PIEZO2: variants seen among roughly 807,000 people sequenced by gnomAD.
PIEZO2 encodes the protein piezo type mechanosensitive ion channel component 2.
A neutral mutation model predicts 337.3 loss-of-function variants in PIEZO2; 172 were observed. That is an observed-to-expected ratio of 0.51 (90% CI 0.45 to 0.58). PIEZO2 has a LOEUF of 0.58. Ranked by LOEUF, PIEZO2 falls within the 20% of genes least tolerant of loss-of-function variation. The pLI is 0.00. For missense variants in PIEZO2, 3,028 were observed against 3,391.3 expected, an observed-to-expected ratio of 0.89 and a Z score of 2.66; for synonymous variants, 1,251 against 1,228.5, an observed-to-expected ratio of 1.02 and a Z score of -0.38.
At chr18:11,036,648 C>A (rs904086607) in intron 2 of PIEZO2, among the ~76,000 whole-genome samples, 3 of 151,790 alleles carry the variant, frequency 2.0e-5, no homozygotes, top group African/African-American at 7.3e-5. Context: ...CTTTTGCAGG[C>A]ACTGAATAAT....
intron 1 of PIEZO2, among the ~76,000 whole-genome samples, chr18:11,090,837 C>CA (rs1555711242): frequency 6.7e-6 from 1 of 149,582 alleles, no homozygotes; most frequent in Non-Finnish European, 1.5e-5. Context: ...GGTGTGAACC[C>CA]GGGGGGGCAA....
intron 2 of PIEZO2, among the ~76,000 whole-genome samples, chr18:11,058,560 C>A (rs111285098): frequency 3.3e-5 from 5 of 152,080 alleles, no homozygotes; most frequent in African/African-American, 1.2e-4. Context: ...CTAGAATAAC[C>A]AGTGCAGAGA....
At chr18:11,098,807 A>T (rs528730094) in intron 1 of PIEZO2, among the ~76,000 whole-genome samples, 176 of 151,090 alleles carry the variant, frequency 1.2e-3, no homozygotes, top group Non-Finnish European at 2.2e-3. Context: ...TTTAAAAAAA[A>T]TTTTTTTTGA....
At chr18:10,922,365 A>C (rs1229298460) in intron 3 of PIEZO2, among the ~76,000 whole-genome samples, 1 of 152,136 alleles carries the variant, frequency 6.6e-6, no homozygotes, top group African/African-American at 2.4e-5. Context: ...CTCTTTTTAA[A>C]AAAACAGAAA....
intron 4 of PIEZO2, among the ~76,000 whole-genome samples, chr18:10,889,461 T>C (rs775275988): frequency 4.6e-5 from 7 of 152,204 alleles, no homozygotes; most frequent in Non-Finnish European, 8.8e-5. Context: ...ATTTGCAGAT[T>C]CGGGAAATTA....
chr18:10,726,381 C>A lies in PIEZO2; in HGVS notation c.5029+5026G>T, dbSNP rs1365762782. ...CTTCCCCGCAGGCACCCACTACCTG[C>A]GGGGCGGTAACAACGCGCGCCAGCC... is the stretch of plus-strand genomic sequence containing the variant. On this transcript the variant is annotated intron_variant, in intron 36 of 55. Transcript: ENST00000674853. The surrounding 1 kb of genome is among the most constrained non-coding windows in gnomAD (Gnocchi z 5.9). 6.6e-7 allele frequency: 1 copy of A among 1,520,556 alleles called. No individual in the cohort carries two copies. Among genetic ancestry groups the A allele is most frequent in the Non-Finnish European group, 8.8e-7 (1 of 1,140,726 alleles). 94.2% of individuals were successfully genotyped at this position (1,520,556 alleles called of 1,614,324 possible).
chr18:11,093,278 C>A (rs977813239), intron 1 of PIEZO2, among the ~76,000 whole-genome samples: 32 of 152,192 alleles, frequency 2.1e-4, no homozygotes, highest in African/African-American at 6.3e-4. Context: ...CCCCAGCCAA[C>A]ACCCTACATG....
At chr18:10,777,255 C>T (rs1436039224) in intron 18 of PIEZO2, among the ~76,000 whole-genome samples, 2 of 152,210 alleles carry the variant, frequency 1.3e-5, no homozygotes, top group African/African-American at 4.8e-5. Context: ...ATGGCTCTCT[C>T]CTTTCATGTT....
At chr18:11,095,816 G>A (rs1247725046) in intron 1 of PIEZO2, among the ~76,000 whole-genome samples, 1 of 152,172 alleles carries the variant, frequency 6.6e-6, no homozygotes, top group Non-Finnish European at 1.5e-5. Context: ...GATGATCAGA[G>A]AGATAGAAAT....
At chr18:11,025,610 T>C (rs549007205) in intron 2 of PIEZO2, among the ~76,000 whole-genome samples, 1 of 150,430 alleles carries the variant, frequency 6.6e-6, no homozygotes, top group South Asian at 2.1e-4. Flanking sequence ...TCAGGACGGA[T>C]GTGCTTTGTG....
rs185090181 is a variant in PIEZO2 at position 10,834,201 on chromosome 18, C to T, written c.917+21152G>A. Among the ~76,000 whole-genome samples the T allele has an allele frequency of 4.6e-5, 7 of 152,300 alleles. No individual in the cohort carries two copies. Among genetic ancestry groups the T allele is most frequent in the Admixed American group, 1.3e-4 (2 of 15,302 alleles). On this transcript the variant is annotated intron_variant, in intron 7 of 55. Coordinates refer to ENST00000674853, the MANE Select transcript of PIEZO2 (RefSeq NM_001378183.1). The surrounding 1 kb of genome is among the most constrained non-coding windows in gnomAD (Gnocchi z 4.5). ...TATTTTAAAATATGCAGTACATTATCGTTGACTGTAGTCATTCTGTTGTGC... is the reference window on the plus strand; with the variant it reads ...TATTTTAAAATATGCAGTACATTATTGTTGACTGTAGTCATTCTGTTGTGC...
At position 10,746,546 on chromosome 18, in the gene PIEZO2, T is replaced by C. The variant is rs1393539837; in HGVS notation, c.4424+1925A>G. On this transcript the variant is annotated intron_variant, in intron 30 of 55. Coordinates refer to ENST00000674853, the MANE Select transcript of PIEZO2 (RefSeq NM_001378183.1). The surrounding 1 kb of genome is among the most constrained non-coding windows in gnomAD (Gnocchi z 4.2). ...GTGACCTCATGGCTCCCGGAGTGTC[T>C]CCTACCATCACACCTGCTGTCGTCT... Among the ~76,000 whole-genome samples, 1 of 152,206 alleles carries C rather than the reference T, an allele frequency of 6.6e-6. No individual in the cohort carries two copies. Among genetic ancestry groups the C allele is most frequent in the African/African-American group, 2.4e-5 (1 of 41,436 alleles).
intron 7 of PIEZO2, among the ~76,000 whole-genome samples, chr18:10,810,113 G>T (rs183368221): frequency 6.6e-6 from 1 of 152,296 alleles, no homozygotes; most frequent in Non-Finnish European, 1.5e-5. Flanking sequence ...ATGACTCGAT[G>T]TCTGAGCTTT....
intron 1 of PIEZO2, 45 bp from the exon 2 acceptor site, chr18:11,066,267 G>A: frequency 6.8e-7 from 1 of 1,473,844 alleles, no homozygotes; most frequent in Non-Finnish European, 9.2e-7. Context: ...CATTAACAAA[G>A]GCAGGTTGAC....
rs867846948 is a variant in PIEZO2, at chr18:10,886,365, T to C, written c.330-14950A>G. ...ATATACACACACACACACACACATA[T>C]ATATGTGTGTGTGTGTATATATATA... On this transcript the variant is annotated intron_variant, in intron 4 of 55. Coordinates refer to ENST00000674853, the MANE Select transcript of PIEZO2 (RefSeq NM_001378183.1). 5.5e-4 allele frequency among the ~76,000 whole-genome samples: 4 copies of C among 7,248 alleles called. 1 individual carries two copies. Among genetic ancestry groups the C allele is most frequent in the African/African-American group, 2.6e-3 (3 of 1,152 alleles). The allele number at this position is 7,248 out of a possible 152,430, so 4.8% of individuals were successfully genotyped here. A position where few individuals can be genotyped will look rare whatever the true frequency, so the allele number is the denominator to read the frequency against.
chr18:10,760,964 T>G lies in PIEZO2; in HGVS notation c.3397A>C (p.Ile1133Leu). ...ITRLHLDDGL[I>L]NCAKYFINYF... ...TTAATGAAATATTTGGCACAATTAATAAGTCCATCATCTAGATGTAGTCTT... is the reference window on the plus strand; with the variant it reads ...TTAATGAAATATTTGGCACAATTAAGAAGTCCATCATCTAGATGTAGTCTT... The change falls in exon 24 of 56, where the codon ATT becomes CTT. Residue 1133 changes from isoleucine to leucine, a missense_variant. By Grantham distance (5) the Ile-to-Leu change is conservative. Around this residue, in one of 5 missense-constraint regions of PIEZO2, gnomAD observed 1,925 missense variants for 2,051.9 expected, o/e 0.94. Transcript: ENST00000674853. 1 of 1,535,450 alleles carries G rather than the reference T, an allele frequency of 6.5e-7. No homozygotes were observed. Among genetic ancestry groups the G allele is most frequent in the East Asian group, 2.4e-5 (1 of 40,902 alleles).
At chr18:10,760,840 C>T in intron 24 of PIEZO2, 71 bp downstream of exon 24, 1 of 1,301,166 alleles carries the variant, frequency 7.7e-7, no homozygotes, top group East Asian at 2.5e-5. Context: ...TTCCAGTGGC[C>T]AATTGGCCAG....
At chr18:10,946,803 A>C (rs1430520382) in intron 3 of PIEZO2, among the ~76,000 whole-genome samples, 3 of 152,228 alleles carry the variant, frequency 2.0e-5, no homozygotes, top group Non-Finnish European at 4.4e-5. Flanking sequence ...CACCTATGAT[A>C]GATACAATTA....
chr18:11,097,949 T>C lies in PIEZO2; in HGVS notation c.65-31727A>G, dbSNP rs1295160204. Among the ~76,000 whole-genome samples, 2 of 152,164 alleles carry C rather than the reference T, an allele frequency of 1.3e-5. No homozygotes were observed. The highest frequency in any genetic ancestry group is 2.4e-5 in the African/African-American group (1 of 41,444). ...GTCTTCCATACTATGATTTTGAAGA[T>C]TGGAATATACTCATCTTTAAAAATG... On this transcript the variant is annotated intron_variant, in intron 1 of 55. Transcript: ENST00000674853. The surrounding 1 kb of genome is among the most constrained non-coding windows in gnomAD (Gnocchi z 5.0).
Sources: gnomAD v4.1 joint callset for allele counts (sites outside exome capture counted in the v4.1 genomes callset) on GRCh38, gnomAD v4.1.1 for gene constraint, gnomAD v4.1.1 regional missense constraint, Gnocchi (gnomAD v3.1) non-coding constraint, MANE v1.5 for transcripts, NCBI Gene and HGNC (gene_info 2026-07-23, HGNC 2026-07-21) for gene names.